The following TBC1D9 variants were observed in gnomAD, a reference collection of about 807,000 sequenced individuals.
TBC1D9 encodes the protein TBC1 domain family member 9.
A neutral mutation model predicts 132.0 loss-of-function variants in TBC1D9; 63 were observed. The ratio of observed to expected loss-of-function variants is 0.48; its 90% CI spans 0.39 to 0.59. The LOEUF (loss-of-function observed/expected upper bound fraction) is 0.59, where lower values mean the gene tolerates loss of function less well. Ranked by LOEUF, TBC1D9 falls within the 20% of genes least tolerant of loss-of-function variation. The pLI, the probability that TBC1D9 is intolerant of heterozygous loss-of-function variation, is 0.00. For missense variants in TBC1D9, 1,261 were observed against 1,592.7 expected (o/e 0.79, Z 3.54); for synonymous variants, 610 against 609.9 (o/e 1.00, Z 0.00).
At chr4:140,645,803 T>C (rs1351598743) in intron 13 of TBC1D9, among the ~76,000 whole-genome samples, 2 of 152,168 alleles carry the variant, frequency 1.3e-5, no homozygotes, top group Non-Finnish European at 2.9e-5. Context: ...GCAGGCTCCC[T>C]GCCAGCCACG....
intron 16 of TBC1D9, 141 bp from the exon 17 acceptor site, chr4:140,628,506 G>A (rs535243345): frequency 3.5e-4 from 257 of 724,772 alleles, no homozygotes; most frequent in Middle Eastern, 2.6e-4. Flanking sequence ...GACCTGTTTG[G>A]GTTAACAGCT....
At chr4:140,705,665 G>A (rs1738140096) in intron 1 of TBC1D9, among the ~76,000 whole-genome samples, 1 of 152,128 alleles carries the variant, frequency 6.6e-6, no homozygotes, top group African/African-American at 2.4e-5. Flanking sequence ...AATACTAGGA[G>A]ATGGGAAATC....
chr4:140,745,071 C>A (rs1231826903), intron 1 of TBC1D9, among the ~76,000 whole-genome samples: 3 of 151,990 alleles, frequency 2.0e-5, no homozygotes, highest in Admixed American at 2.0e-4. Context: ...TACCTGGAAG[C>A]CCCACCTCTT....
chr4:140,634,487 C>G (rs1427320765), intron 15 of TBC1D9, among the ~76,000 whole-genome samples: 2 of 152,126 alleles, frequency 1.3e-5, no homozygotes, highest in Non-Finnish European at 2.9e-5. Flanking sequence ...TCCCCCTTAC[C>G]TACACACTCA....
intron 1 of TBC1D9, among the ~76,000 whole-genome samples, chr4:140,703,458 A>C (rs577096105): frequency 6.6e-6 from 1 of 152,300 alleles, no homozygotes; most frequent in East Asian, 1.9e-4. Context: ...GGAAGAGCTC[A>C]GTTCTGGCTC....
At position 140,756,265 on chromosome 4, in the gene TBC1D9, G is replaced by C; in HGVS notation, c.-220C>G. Reference sequence around the variant, plus strand: ...GGGAGGACGGTGAGGACGCGGGCGCGGCAAGCAGCATCCTCCCCGCGGCGT... The same window carrying C: ...GGGAGGACGGTGAGGACGCGGGCGCCGCAAGCAGCATCCTCCCCGCGGCGT... On this transcript the variant is annotated 5_prime_UTR_variant, in exon 1 of 21. Coordinates refer to ENST00000442267, the MANE Select transcript of TBC1D9 (RefSeq NM_015130.3). This position sits in a 1 kb window ranked among gnomAD's most constrained non-coding sequence, Gnocchi z 5.6. The C allele has an allele frequency of 3.3e-6, 1 of 303,816 alleles. No individual in the cohort carries two copies. 18.8% of individuals were successfully genotyped at this position (303,816 alleles called of 1,614,324 possible). A position where few individuals can be genotyped will look rare whatever the true frequency, so the allele number is the denominator to read the frequency against.
chr4:140,642,059 G>GT, intron 13 of TBC1D9: 1 of 687,720 alleles, frequency 1.5e-6, no homozygotes, highest in South Asian at 1.6e-5. Context: ...GCTGGCTTAG[G>GT]TTTCAGAGTC....
Position 140,622,653 on chromosome 4 carries a change from C to G in TBC1D9, c.3343G>C (p.Ala1115Pro). The change falls in exon 21 of 21, where the codon GCC becomes CCC. Residue 1115 changes from alanine to proline, a missense_variant. Physicochemically the swap from Ala to Pro is conservative, Grantham distance 27. This residue lies in a region of TBC1D9 where 618 missense variants were observed against 724.4 expected (regional missense o/e 0.85). Transcript: ENST00000442267. ...YVVESVEPLP[A>P]SLAPDSEEHS... ...TCCTCGCTGTCGGGGGCCAGGCTGG[C>G]CGGCAGGGGCTCAACAGACTCCACC... The G allele has an allele frequency of 6.2e-7, 1 of 1,609,612 alleles. No individual in the cohort carries two copies. The highest frequency in any genetic ancestry group is 8.5e-7 in the Non-Finnish European group (1 of 1,177,532).
At chr4:140,748,147 T>A (rs1738865753) in intron 1 of TBC1D9, among the ~76,000 whole-genome samples, 4 of 152,092 alleles carry the variant, frequency 2.6e-5, no homozygotes, top group Non-Finnish European at 5.9e-5. Context: ...AGAACCATAC[T>A]TGCTCAAAAG....
intron 13 of TBC1D9, among the ~76,000 whole-genome samples, chr4:140,646,710 A>G (rs1203437451): frequency 6.6e-6 from 1 of 152,198 alleles, no homozygotes; most frequent in Non-Finnish European, 1.5e-5. Context: ...AGATAATCAG[A>G]GCAAAAGAGT....
chr4:140,642,601 C>G, intron 13 of TBC1D9: 1 of 871,614 alleles, frequency 1.1e-6, no homozygotes, highest in Non-Finnish European at 1.8e-6. Flanking sequence ...CCATCTTCTT[C>G]TTCTTAATCT....
chr4:140,735,307 G>GA (rs1343093018), intron 1 of TBC1D9, among the ~76,000 whole-genome samples: 4 of 151,274 alleles, frequency 2.6e-5, no homozygotes, highest in African/African-American at 4.8e-5. Flanking sequence ...AATAAGAGTG[G>GA]AAAAAGAAAA....
At chr4:140,743,865 T>C (rs1209285529) in intron 1 of TBC1D9, among the ~76,000 whole-genome samples, 1 of 152,218 alleles carries the variant, frequency 6.6e-6, no homozygotes, top group Non-Finnish European at 1.5e-5. Context: ...GCAGTGTCCC[T>C]AGAGCAGCAG....
chr4:140,733,321 A>T (rs1214083039), intron 1 of TBC1D9, among the ~76,000 whole-genome samples: 1 of 152,094 alleles, frequency 6.6e-6, no homozygotes, highest in Non-Finnish European at 1.5e-5. Context: ...GCCAAGAGTT[A>T]TTAAATGTCC....
Position 140,679,649 on chromosome 4 carries a change from G to A in TBC1D9, c.555C>T (p.His185=). 1 of 1,613,718 alleles carries A rather than the reference G, an allele frequency of 6.2e-7. No homozygotes were observed. Among genetic ancestry groups the A allele is most frequent in the South Asian group, 1.1e-5 (1 of 91,054 alleles). ...CCATAAGAAAAGAATAAAAGCAAAGGTGGTTAATGCTGAGGTACATCCAAC... is the reference window on the plus strand; with the variant it reads ...CCATAAGAAAAGAATAAAAGCAAAGATGGTTAATGCTGAGGTACATCCAAC... ...RQGWMYLSIN[H]LCFYSFLMGR... Residue 185 remains histidine, a synonymous_variant, in exon 4 of 21, where the codon CAC becomes CAT. Coordinates refer to ENST00000442267, the MANE Select transcript of TBC1D9 (RefSeq NM_015130.3).
Position 140,701,281 on chromosome 4 carries a change from G to A in TBC1D9, c.241+223C>T, listed in dbSNP as rs76060581. On this transcript the variant is annotated intron_variant, in intron 2 of 20. Transcript: ENST00000442267. ...TCCAGAGAGTGTCACTACACATGGA[G>A]GAGGCCACATGATCCCAACACGACT... 8.2e-4 allele frequency among the ~76,000 whole-genome samples: 125 copies of A among 152,308 alleles called. 2 individuals carry two copies. The East Asian group carries it at 0.02, about 24-fold the overall frequency.
chr4:140,750,930 G>A (rs1021859700), intron 1 of TBC1D9, among the ~76,000 whole-genome samples: 4 of 151,638 alleles, frequency 2.6e-5, no homozygotes, highest in African/African-American at 9.7e-5. Context: ...CTTACAATAA[G>A]GTCACATCTG....
At chr4:140,642,472 C>A in intron 13 of TBC1D9, 2 of 966,600 alleles carry the variant, frequency 2.1e-6, no homozygotes, top group Non-Finnish European at 3.3e-6. Context: ...GCAGCCCCTG[C>A]CAGTTTTTGA....
Position 140,627,479 on chromosome 4 carries a change from T to C in TBC1D9, c.2861A>G (p.Gln954Arg). Residue 954 changes from glutamine to arginine, a missense_variant, in exon 18 of 21, where the codon CAG (glutamine) becomes CGG (arginine). Coordinates refer to ENST00000442267, the MANE Select transcript of TBC1D9 (RefSeq NM_015130.3). Reference protein sequence around the residue: ...DEPDSAFEATQYFFEDITPEC... With the variant: ...DEPDSAFEATRYFFEDITPEC... ...TGGGGTAATATCTTCAAAGAAGTAC[T>C]GAGTTGCTTCAAAAGCAGAATCTGG... The C allele has an allele frequency of 6.2e-7, 1 of 1,611,252 alleles. No homozygotes were observed. Among genetic ancestry groups the C allele is most frequent in the African/African-American group, 1.3e-5 (1 of 75,010 alleles).
Sources: allele counts gnomAD v4.1 joint callset (sites outside exome capture counted in the v4.1 genomes callset), GRCh38; gene constraint gnomAD v4.1.1; regional missense constraint gnomAD v4.1.1; non-coding constraint Gnocchi (gnomAD v3.1); transcripts MANE v1.5; gene names NCBI Gene and HGNC (gene_info 2026-07-23, HGNC 2026-07-21).